GRM7: variants seen among roughly 807,000 people sequenced by gnomAD.
GRM7 encodes the protein glutamate metabotropic receptor 7.
Under a neutral mutation model 84.5 loss-of-function variants are expected in GRM7, and 35 were observed. The ratio of observed to expected loss-of-function variants is 0.41; its 90% CI spans 0.32 to 0.55. The LOEUF (loss-of-function observed/expected upper bound fraction) is 0.55. Among genes scored for constraint, GRM7 ranks in the 20% least tolerant of loss-of-function variants. The probability of loss-of-function intolerance (pLI) is 0.19; values close to 1 mark genes in which losing one functional copy is unlikely to be tolerated. For synonymous variants in GRM7, 487 were observed against 455.1 expected (o/e 1.07, Z -0.89); for missense variants, 1,003 against 1,194.6 (o/e 0.84, Z 2.36).
intron 1 of GRM7, among the ~76,000 whole-genome samples, chr3:7,047,388 C>T (rs1240714607): frequency 6.6e-6 from 1 of 152,028 alleles, no homozygotes; most frequent in African/African-American, 2.4e-5. Flanking sequence ...TACCATGCCA[C>T]TGGGAAATAT....
Position 6,861,647 on chromosome 3 carries a change from G to A in GRM7, c.259G>A (p.Asp87Asn). The A allele has an allele frequency of 6.2e-7, 1 of 1,613,862 alleles. No individual in the cohort carries two copies. Among genetic ancestry groups the A allele is most frequent in the South Asian group, 1.1e-5 (1 of 91,048 alleles). The change falls in exon 1 of 10, where the codon GAC (aspartate) becomes AAC (asparagine). Residue 87 changes from aspartate to asparagine, a missense_variant. Asp to Asn is a conservative substitution (Grantham distance 23, BLOSUM62 1). This residue lies in a region of GRM7 where 910 missense variants were observed against 1,126.0 expected (regional missense o/e 0.81). Coordinates refer to ENST00000357716, the MANE Select transcript of GRM7 (RefSeq NM_000844.4). The surrounding 1 kb of genome is among the most constrained non-coding windows in gnomAD (Gnocchi z 6.4). ...GCTGGAAGCGATGCTCTACGCCCTG[G>A]ACCAGATCAACAGTGATCCCAACCT... is the stretch of plus-strand genomic sequence containing the variant. ...HRLEAMLYALDQINSDPNLLP... is the reference protein window; with the variant it reads ...HRLEAMLYALNQINSDPNLLP...
intron 1 of GRM7, among the ~76,000 whole-genome samples, chr3:7,064,700 G>A (rs1818034): frequency 0.26 from 39,029 of 150,680 alleles, 5,820 homozygotes; most frequent in African/African-American, 0.41. Context: ...CTTTTCCTCT[G>A]GGTAGATACC....
chr3:7,702,258 A>G (rs960104716), intron 9 of GRM7, among the ~76,000 whole-genome samples: 2 of 152,202 alleles, frequency 1.3e-5, no homozygotes, highest in Middle Eastern at 3.2e-3. Flanking sequence ...ATCACCCAAG[A>G]ATCTTGTTAG....
chr3:7,348,027 TAGC>T (rs1328964264), intron 4 of GRM7, among the ~76,000 whole-genome samples: 1 of 152,166 alleles, frequency 6.6e-6, no homozygotes, highest in Non-Finnish European at 1.5e-5. Context: ...CTGAGGCACT[TAGC>T]AGATGACTCA....
At chr3:7,167,877 G>A (rs1694852185) in intron 2 of GRM7, among the ~76,000 whole-genome samples, 1 of 147,550 alleles carries the variant, frequency 6.8e-6, no homozygotes. Context: ...GCTGAAGCAG[G>A]AGAATGGCGT....
chr3:7,461,549 C>G (rs1056952893), intron 6 of GRM7, 34 bp from the exon 7 acceptor site: 4 of 1,581,576 alleles, frequency 2.5e-6, no homozygotes, highest in Non-Finnish European at 3.5e-6. Flanking sequence ...TCTTGTTTAA[C>G]TTTAGAATCT....
chr3:7,161,267 C>A (rs1485252152), intron 2 of GRM7, among the ~76,000 whole-genome samples: 1 of 151,974 alleles, frequency 6.6e-6, no homozygotes, highest in Non-Finnish European at 1.5e-5. Flanking sequence ...CCCTTAATCT[C>A]TACCCTGCTC....
chr3:7,591,374 A>G, intron 8 of GRM7: 4 of 384,008 alleles, frequency 1.0e-5, no homozygotes, highest in South Asian at 8.0e-5. Flanking sequence ...ATACAGTAAT[A>G]CACAGTGATG....
At chr3:7,733,401 G>A (rs1702393838) in intron 9 of GRM7, among the ~76,000 whole-genome samples, 1 of 152,198 alleles carries the variant, frequency 6.6e-6, no homozygotes, top group Non-Finnish European at 1.5e-5. Context: ...AAAGATGCCA[G>A]GCTCTTCCCC....
At chr3:7,391,999 A>G (rs1026898138) in intron 4 of GRM7, among the ~76,000 whole-genome samples, 3 of 152,126 alleles carry the variant, frequency 2.0e-5, no homozygotes, top group African/African-American at 7.2e-5. Context: ...CTCTACATCT[A>G]TTCTTGAGTT....
At chr3:7,428,965 C>T (rs1696719964) in intron 5 of GRM7, among the ~76,000 whole-genome samples, 1 of 152,102 alleles carries the variant, frequency 6.6e-6, no homozygotes, top group Non-Finnish European at 1.5e-5. Flanking sequence ...CAGGACATAA[C>T]TCAGTAGCTC....
intron 1 of GRM7, among the ~76,000 whole-genome samples, chr3:6,866,294 C>T (rs1488742229): frequency 6.6e-6 from 1 of 151,608 alleles, no homozygotes; most frequent in Non-Finnish European, 1.5e-5. Context: ...GCTAAGTTAC[C>T]CTAAATAAAT....
chr3:7,473,318 A>G (rs2124926449), intron 7 of GRM7, among the ~76,000 whole-genome samples: 1 of 152,232 alleles, frequency 6.6e-6, no homozygotes, highest in African/African-American at 2.4e-5. Context: ...AATTTTAAAA[A>G]AATAAAAATA....
chr3:7,407,440 G>T (rs1416358630), intron 4 of GRM7, among the ~76,000 whole-genome samples: 2 of 152,170 alleles, frequency 1.3e-5, no homozygotes, highest in African/African-American at 4.8e-5. Context: ...AGGCTTTCAA[G>T]GGTAGAGGGT....
chr3:7,610,402 CAAAGTAATT>C (rs1312645294), intron 8 of GRM7, among the ~76,000 whole-genome samples: 2 of 152,140 alleles, frequency 1.3e-5, no homozygotes, highest in Non-Finnish European at 2.9e-5. Context: ...ACTAGTTAAA[CAAAGTAATT>C]AATTACTCTT....
At chr3:7,296,351 TTTTG>T (rs1301817444) in intron 2 of GRM7, among the ~76,000 whole-genome samples, 1 of 152,092 alleles carries the variant, frequency 6.6e-6, no homozygotes, top group Non-Finnish European at 1.5e-5. Flanking sequence ...TATATTTTAT[TTTTG>T]TTTGGTAATA....
At chr3:7,420,618 C>T (rs775957902) in intron 5 of GRM7, among the ~76,000 whole-genome samples, 2 of 152,094 alleles carry the variant, frequency 1.3e-5, no homozygotes, top group Non-Finnish European at 2.9e-5. Context: ...CTCTAAATAT[C>T]GGAGTCTTGG....
At chr3:6,963,217 A>G (rs1368580966) in intron 1 of GRM7, among the ~76,000 whole-genome samples, 1 of 152,226 alleles carries the variant, frequency 6.6e-6, no homozygotes, top group East Asian at 1.9e-4. Flanking sequence ...GAAGTAAATT[A>G]TTTGCCAAAA....
chr3:6,927,301 G>A (rs1697331487), intron 1 of GRM7, among the ~76,000 whole-genome samples: 1 of 151,928 alleles, frequency 6.6e-6, no homozygotes, highest in African/African-American at 2.4e-5. Flanking sequence ...GGTGGTGCAT[G>A]CTTGTAATCC....
Sources: gnomAD v4.1 joint callset for allele counts (sites outside exome capture counted in the v4.1 genomes callset) on GRCh38, gnomAD v4.1.1 for gene constraint, gnomAD v4.1.1 regional missense constraint, Gnocchi (gnomAD v3.1) non-coding constraint, MANE v1.5 for transcripts, NCBI Gene and HGNC (gene_info 2026-07-23, HGNC 2026-07-21) for gene names.